The following WDR72 variants were observed in gnomAD, a reference collection of about 807,000 sequenced individuals.
The protein encoded by WDR72 is WD repeat-containing protein 72.
In WDR72, 120 loss-of-function variants were observed where a neutral mutation model predicts 124.2. The ratio of observed to expected loss-of-function variants is 0.97; its 90% CI spans 0.83 to 1.12. The LOEUF is 1.12. Among genes scored for constraint, WDR72 ranks in the 50% most tolerant of loss-of-function variants. The pLI, the probability that WDR72 is intolerant of heterozygous loss-of-function variation, is 0.00. For missense variants in WDR72, 1,387 were observed against 1,278.8 expected, an observed-to-expected ratio of 1.08 and a Z score of -1.29; for synonymous variants, 452 against 441.7, an observed-to-expected ratio of 1.02 and a Z score of -0.29.
intron 14 of WDR72, among the ~76,000 whole-genome samples, chr15:53,624,102 T>C (rs1446679204): frequency 3.3e-5 from 5 of 152,052 alleles, no homozygotes; most frequent in East Asian, 1.9e-4. Flanking sequence ...ATTGCAAATA[T>C]GAGAAGACCT....
chr15:53,580,876 A>T (rs2011885090), intron 18 of WDR72, among the ~76,000 whole-genome samples: 1 of 152,058 alleles, frequency 6.6e-6, no homozygotes, highest in Admixed American at 6.6e-5. Flanking sequence ...GCACTTTCCA[A>T]CCTGCATTCC....
intron 18 of WDR72, among the ~76,000 whole-genome samples, chr15:53,574,878 T>C (rs1894692975): frequency 6.6e-6 from 1 of 151,876 alleles, no homozygotes; most frequent in South Asian, 2.1e-4. Flanking sequence ...TGTACACAGG[T>C]ATTTATAATG....
At chr15:53,664,869 AAT>A (rs1380479383) in intron 14 of WDR72, among the ~76,000 whole-genome samples, 1 of 152,208 alleles carries the variant, frequency 6.6e-6, no homozygotes, top group African/African-American at 2.4e-5. Context: ...ATACCATGAA[AAT>A]ATGTTTATAT....
chr15:53,742,319 C>G (rs1158110254), intron 1 of WDR72, among the ~76,000 whole-genome samples: 1 of 152,138 alleles, frequency 6.6e-6, no homozygotes, highest in African/African-American at 2.4e-5. Context: ...TAAAAACTCT[C>G]TATAGAATCT....
At chr15:53,561,493 C>T (rs1894123241) in intron 18 of WDR72, among the ~76,000 whole-genome samples, 1 of 151,904 alleles carries the variant, frequency 6.6e-6, no homozygotes, top group African/African-American at 2.4e-5. Context: ...CATTCTGGTT[C>T]TATTTCCTCA....
intron 1 of WDR72, among the ~76,000 whole-genome samples, chr15:53,735,393 A>G (rs2018324148): frequency 6.6e-6 from 1 of 152,226 alleles, no homozygotes; most frequent in Non-Finnish European, 1.5e-5. Context: ...GAAATAGGTC[A>G]GTGATTGCTC....
At chr15:53,741,181 A>T (rs941315130) in intron 1 of WDR72, among the ~76,000 whole-genome samples, 3 of 152,194 alleles carry the variant, frequency 2.0e-5, no homozygotes, top group Non-Finnish European at 4.4e-5. Context: ...CGTATGATAA[A>T]ACATCCCCCC....
chr15:53,681,947 G>C (rs183265509), intron 13 of WDR72, among the ~76,000 whole-genome samples: 1 of 151,928 alleles, frequency 6.6e-6, no homozygotes, highest in African/African-American at 2.4e-5. Flanking sequence ...AAACAATATA[G>C]AAATGTTTAT....
chr15:53,542,678 A>C (rs750075468), intron 18 of WDR72, among the ~76,000 whole-genome samples: 462 of 39,924 alleles, frequency 0.012, 2 homozygotes, highest in South Asian at 0.019. Context: ...TAAATGCTCC[A>C]ATTAAAAGAC....
intron 18 of WDR72, among the ~76,000 whole-genome samples, chr15:53,524,348 T>C (rs1291077802): frequency 6.6e-6 from 1 of 152,124 alleles, no homozygotes; most frequent in Non-Finnish European, 1.5e-5. Context: ...AAAATATATA[T>C]TTACAAATCA....
At chr15:53,607,661 T>C (rs2013346050) in intron 17 of WDR72, among the ~76,000 whole-genome samples, 1 of 151,930 alleles carries the variant, frequency 6.6e-6, no homozygotes, top group Admixed American at 6.6e-5. Context: ...ACAAATGGAA[T>C]CACATCAAAT....
intron 2 of WDR72, among the ~76,000 whole-genome samples, chr15:53,727,383 C>A (rs555362822): frequency 1.3e-5 from 2 of 152,048 alleles, no homozygotes; most frequent in African/African-American, 2.4e-5. Context: ...TTAATGAGGA[C>A]AAATTATTTC....
At chr15:53,739,360 G>C (rs2018445389) in intron 1 of WDR72, among the ~76,000 whole-genome samples, 1 of 152,132 alleles carries the variant, frequency 6.6e-6, no homozygotes. Flanking sequence ...TATCACTCCT[G>C]AGGGCTCCGC....
At position 53,516,744 on chromosome 15, in the gene WDR72, A is replaced by G. The variant is rs1294566134; in HGVS notation, c.*955T>C. 6.6e-6 allele frequency: 1 copy of G among 152,070 alleles called. No individual in the cohort carries two copies. The highest frequency in any genetic ancestry group is 1.5e-5 in the Non-Finnish European group (1 of 67,978). The allele number at this position is 152,070 out of a possible 1,614,324, so 9.4% of individuals were successfully genotyped here. On this transcript the variant is annotated 3_prime_UTR_variant, in exon 20 of 20. Coordinates refer to ENST00000360509, the MANE Select transcript of WDR72 (RefSeq NM_182758.4). The stretch of plus-strand genomic sequence containing the variant: ...TATGGATTAGGCAATATTTATATAC[A>G]TAAGATATGTAGATTAATAATTTTG...
intron 14 of WDR72, among the ~76,000 whole-genome samples, chr15:53,621,936 A>G (rs544251812): frequency 6.6e-6 from 1 of 152,306 alleles, no homozygotes; most frequent in Admixed American, 6.5e-5. Flanking sequence ...AGAAAAAAAC[A>G]AACAACCCCA....
At chr15:53,749,347 C>T (rs540961270) in intron 1 of WDR72, among the ~76,000 whole-genome samples, 2 of 151,982 alleles carry the variant, frequency 1.3e-5, no homozygotes, top group Non-Finnish European at 2.9e-5. Context: ...GGTCTGTGAT[C>T]GTAAATATCA....
At position 53,672,061 on chromosome 15, in the gene WDR72, C is replaced by T. The variant is rs143399740; in HGVS notation, c.1766-6293G>A. 1.2e-3 allele frequency among the ~76,000 whole-genome samples: 183 copies of T among 152,094 alleles called. 1 individual carries two copies. The highest frequency in any genetic ancestry group is 4.2e-3 in the African/African-American group (173 of 41,496). ...TCTAGATCCTTCCTAAGGAATAGTG[C>T]CCCTAAAGTGTCTGAAATACACACC... On this transcript the variant is annotated intron_variant, in intron 13 of 19. Coordinates refer to ENST00000360509, the MANE Select transcript of WDR72 (RefSeq NM_182758.4).
chr15:53,705,223 T>G lies in WDR72; in HGVS notation c.1113A>C (p.Val371=). Residue 371 remains valine, a synonymous_variant, in exon 11 of 20, where the codon GTA becomes GTC. Coordinates refer to ENST00000360509, the MANE Select transcript of WDR72 (RefSeq NM_182758.4). ...TATCTTGAAGAGTCCAGGTGGCAGT[T>G]ACTGGTATCTCTAAAAAGAAAACAG... The part of the protein sequence containing the change: ...KFDGSPREIP[V]TATWTLQDNF... The G allele has an allele frequency of 6.2e-7, 1 of 1,613,316 alleles. No individual in the cohort carries two copies. Among genetic ancestry groups the G allele is most frequent in the Middle Eastern group, 1.7e-4 (1 of 6,060 alleles).
intron 18 of WDR72, among the ~76,000 whole-genome samples, chr15:53,564,618 T>A (rs1894233044): frequency 6.6e-6 from 1 of 151,932 alleles, no homozygotes; most frequent in Non-Finnish European, 1.5e-5. Context: ...CTAAATTTTC[T>A]GTATGGCCTT....
Sources: gnomAD v4.1 joint callset for allele counts (sites outside exome capture counted in the v4.1 genomes callset) on GRCh38, gnomAD v4.1.1 for gene constraint, MANE v1.5 for transcripts, NCBI Gene and HGNC (gene_info 2026-07-23, HGNC 2026-07-21) for gene names.